The following ELAPOR1 variants were observed in gnomAD, a reference collection of about 807,000 sequenced individuals.
The protein encoded by ELAPOR1 is endosome/lysosome-associated apoptosis and autophagy regulator 1.
ELAPOR1 carries 77 observed loss-of-function variants against 119.7 expected under a neutral mutation model. That is an observed-to-expected ratio of 0.64 (90% CI 0.54 to 0.78). The LOEUF (loss-of-function observed/expected upper bound fraction) is 0.78. Ranked by LOEUF, ELAPOR1 falls within the 30% of genes least tolerant of loss-of-function variation. The pLI is 0.00. For missense variants in ELAPOR1, 1,115 were observed against 1,270.4 expected (o/e 0.88, Z 1.86); for synonymous variants, 481 against 487.2 (o/e 0.99, Z 0.17).
rs1456369499 is a variant in ELAPOR1 at position 109,203,427 on chromosome 1, C to G, written c.*415C>G. 5.7e-6 allele frequency: 1 copy of G among 174,206 alleles called. No homozygotes were observed. Among genetic ancestry groups the G allele is most frequent in the African/African-American group, 2.4e-5 (1 of 41,616 alleles). 10.8% of individuals were successfully genotyped at this position (174,206 alleles called of 1,614,324 possible). On this transcript the variant is annotated 3_prime_UTR_variant, in exon 22 of 22. Transcript: ENST00000369939. Reference sequence around the variant, plus strand: ...GCATGCCCTCAGCTCATGATCTCTTCAGGAGAGAGGCTGGGTGAGGAGGGT... The same window carrying G: ...GCATGCCCTCAGCTCATGATCTCTTGAGGAGAGAGGCTGGGTGAGGAGGGT...
chr1:109,120,764 G>GT (rs1307597031), intron 1 of ELAPOR1, among the ~76,000 whole-genome samples: 8 of 152,034 alleles, frequency 5.3e-5, no homozygotes, highest in Middle Eastern at 3.2e-3. Context: ...GCTTTCTTCA[G>GT]TTTTCAGTTT....
At chr1:109,181,894 C>T (rs1652720390) in intron 7 of ELAPOR1, among the ~76,000 whole-genome samples, 1 of 152,132 alleles carries the variant, frequency 6.6e-6, no homozygotes, top group Non-Finnish European at 1.5e-5. Flanking sequence ...GCCAACAAGA[C>T]TGCAATTAGG....
At position 109,114,345 on chromosome 1, in the gene ELAPOR1, G is replaced by GC. The variant is rs567515751; in HGVS notation, c.153+15dup. On this transcript the variant is annotated intron_variant, in intron 1 of 21. Coordinates refer to ENST00000369939, the MANE Select transcript of ELAPOR1 (RefSeq NM_020775.5). ...TTCATGCCTGCAAAGAGGTACTGCC[G>GC]CCCCCCTACCCGATCCCGCTTTGGT... The GC allele has an allele frequency of 1.6e-3, 2,596 of 1,575,070 alleles. 35 individuals are homozygous for GC. The African/African-American group carries it at 0.03, about 18-fold the overall frequency.
chr1:109,115,410 G>T (rs1470768760), intron 1 of ELAPOR1, among the ~76,000 whole-genome samples: 1 of 152,100 alleles, frequency 6.6e-6, no homozygotes, highest in Non-Finnish European at 1.5e-5. Flanking sequence ...TGAGAGGTTA[G>T]AATATATATA....
intron 4 of ELAPOR1, among the ~76,000 whole-genome samples, chr1:109,172,262 G>A (rs1042236973): frequency 6.6e-6 from 1 of 152,190 alleles, no homozygotes; most frequent in African/African-American, 2.4e-5. Flanking sequence ...CATGAAAACA[G>A]CACATCTGAG....
intron 1 of ELAPOR1, among the ~76,000 whole-genome samples, chr1:109,149,142 G>A (rs947592038): frequency 3.3e-5 from 5 of 152,206 alleles, no homozygotes; most frequent in South Asian, 2.1e-4. Context: ...AGAAGAGGGC[G>A]CGTCGGGCAG....
intron 21 of ELAPOR1, among the ~76,000 whole-genome samples, chr1:109,202,404 G>C (rs1654231225): frequency 6.6e-6 from 1 of 150,720 alleles, no homozygotes; most frequent in Non-Finnish European, 1.5e-5. Context: ...ACAGGTGTGA[G>C]CCACTGTGCC....
At chr1:109,150,191 A>ACTGT (rs1305545014) in intron 1 of ELAPOR1, among the ~76,000 whole-genome samples, 1 of 152,194 alleles carries the variant, frequency 6.6e-6, no homozygotes, top group Admixed American at 6.5e-5. Context: ...TGTGGAGGCC[A>ACTGT]CTGTCTGCTT....
chr1:109,191,743 C>G lies in ELAPOR1; in HGVS notation c.1563C>G (p.Thr521=), dbSNP rs1420574599. 4.3e-6 allele frequency: 7 copies of G among 1,614,182 alleles called. No homozygotes were observed. The South Asian group carries it at 6.6e-5, about 15-fold the overall frequency. Residue 521 remains threonine (T), a synonymous_variant, in exon 13 of 22, where the codon ACC becomes ACG. Coordinates refer to ENST00000369939, the MANE Select transcript of ELAPOR1 (RefSeq NM_020775.5). ...GGGTTCAGGGTGTGAATTCTAGGAC[C>G]AACACTCCTGTGGAGACGTGGAAAG... is the stretch of plus-strand genomic sequence containing the variant. ...LYFMVGVNSR[T]NTPVETWKGS...
rs1031677725 is a variant in ELAPOR1, at chr1:109,186,605, T to G, written c.1041+1472T>G. ...GAGAGAATGGCTGTGTCTTGTCAGT[T>G]GCACCTTAGACTCAGTTCTGTGGTG... On this transcript the variant is annotated intron_variant, in intron 8 of 21. Transcript: ENST00000369939. 7.1e-6 allele frequency: 7 copies of G among 985,342 alleles called. No individual in the cohort carries two copies. In the African/African-American group the frequency reaches 1.2e-4, roughly 17 times the overall value. 61.0% of individuals were successfully genotyped at this position (985,342 alleles called of 1,614,324 possible). A position where few individuals can be genotyped will look rare whatever the true frequency, so the allele number is the denominator to read the frequency against.
intron 1 of ELAPOR1, among the ~76,000 whole-genome samples, chr1:109,160,015 G>A (rs1651148008): frequency 6.6e-6 from 1 of 152,164 alleles, no homozygotes; most frequent in South Asian, 2.1e-4. Flanking sequence ...AGTCTGAGAT[G>A]AGGAAAAGAC....
intron 7 of ELAPOR1, among the ~76,000 whole-genome samples, chr1:109,181,839 A>T (rs634699): frequency 1.3e-5 from 2 of 152,076 alleles, no homozygotes; most frequent in East Asian, 1.9e-4. Context: ...AGACAGAGAC[A>T]GAAGAGGTAT....
chr1:109,170,677 C>T (rs748622800), intron 3 of ELAPOR1, among the ~76,000 whole-genome samples: 27 of 152,180 alleles, frequency 1.8e-4, no homozygotes, highest in Non-Finnish European at 3.4e-4. Flanking sequence ...CACAGGGAGT[C>T]AGTCCCAGGG....
chr1:109,171,394 A>C (rs901756560), intron 3 of ELAPOR1, among the ~76,000 whole-genome samples: 1 of 151,998 alleles, frequency 6.6e-6, no homozygotes, highest in East Asian at 1.9e-4. Context: ...CTAAAAAAAA[A>C]TACAGAAATT....
At chr1:109,177,737 C>T (rs111951915) in intron 7 of ELAPOR1, among the ~76,000 whole-genome samples, 6 of 152,074 alleles carry the variant, frequency 3.9e-5, no homozygotes, top group African/African-American at 1.4e-4. Context: ...ATTCCTCTTC[C>T]CCACTCTGCT....
intron 14 of ELAPOR1, among the ~76,000 whole-genome samples, 158 bp from the exon 15 acceptor site, chr1:109,194,263 G>A (rs1653634537): frequency 6.6e-6 from 1 of 152,308 alleles, no homozygotes; most frequent in Admixed American, 6.5e-5. Flanking sequence ...TCCCACTAGT[G>A]CCTGTTTCAC....
chr1:109,137,011 G>A (rs1429296133), intron 1 of ELAPOR1, among the ~76,000 whole-genome samples: 2 of 152,140 alleles, frequency 1.3e-5, no homozygotes, highest in Non-Finnish European at 2.9e-5. Context: ...CACAAAGGAC[G>A]GGGAAAAGGG....
chr1:109,143,943 G>A (rs1467001031), intron 1 of ELAPOR1, among the ~76,000 whole-genome samples: 3 of 150,866 alleles, frequency 2.0e-5, no homozygotes, highest in African/African-American at 4.9e-5. Context: ...TTATAGGTGT[G>A]AGCCACTGCT....
intron 1 of ELAPOR1, among the ~76,000 whole-genome samples, chr1:109,136,106 G>A (rs1364146700): frequency 6.6e-6 from 1 of 152,150 alleles, no homozygotes; most frequent in Non-Finnish European, 1.5e-5. Flanking sequence ...TACAGGTACT[G>A]TTTTGAGTTC....
Sources: gnomAD v4.1 joint callset for allele counts (sites outside exome capture counted in the v4.1 genomes callset) on GRCh38, gnomAD v4.1.1 for gene constraint, MANE v1.5 for transcripts, NCBI Gene and HGNC (gene_info 2026-07-23, HGNC 2026-07-21) for gene names.